Variants in SGCD observed in about 807,000 individuals in gnomAD.
SGCD encodes delta-sarcoglycan.
Under a neutral mutation model 36.6 loss-of-function variants are expected in SGCD, and 18 were observed. That is an observed-to-expected ratio of 0.49 (90% confidence interval 0.34 to 0.73). The LOEUF is 0.73. Ranked by LOEUF, SGCD falls within the 30% of genes least tolerant of loss-of-function variation. The pLI is 0.01. For missense variants in SGCD, 387 were observed against 346.7 expected (o/e 1.12, Z -0.92); for synonymous variants, 133 against 130.6 (o/e 1.02, Z -0.12).
chr5:156,765,853 T>G lies in SGCD; in HGVS notation c.*6463T>G, dbSNP rs1757577314. 6.6e-6 allele frequency: 1 copy of G among 152,186 alleles called. No individual in the cohort carries two copies. The highest frequency in any genetic ancestry group is 2.4e-5 in the African/African-American group (1 of 41,440). The allele number at this position is 152,186 out of a possible 1,614,324, so 9.4% of individuals were successfully genotyped here. The stretch of plus-strand genomic sequence containing the variant: ...CCCCTACTAGGTTTTAAACTAGATC[T>G]TCCTTGGTAGATGAAGCTATAGAAC... On this transcript the variant is annotated 3_prime_UTR_variant, in exon 9 of 9. Coordinates refer to ENST00000337851, the MANE Select transcript of SGCD (RefSeq NM_000337.6).
At chr5:155,878,260 A>G (rs1166376672) in intron 1 of SGCD, among the ~76,000 whole-genome samples, 8 of 152,130 alleles carry the variant, frequency 5.3e-5, no homozygotes, top group Admixed American at 3.9e-4. Context: ...AGTTAATCCA[A>G]CAGTTCAGTG....
At chr5:155,797,469 G>A in the SGCD span, among the ~76,000 whole-genome samples, 3 of 152,170 alleles carry the variant, frequency 2.0e-5, no homozygotes, top group Non-Finnish European at 2.9e-5. Context: ...TATAGCCATG[G>A]TATTCAAAAC....
At chr5:156,016,843 A>T (rs1285461551) in intron 1 of SGCD, among the ~76,000 whole-genome samples, 5 of 152,186 alleles carry the variant, frequency 3.3e-5, no homozygotes, top group African/African-American at 1.2e-4. Flanking sequence ...GCAATTGTCT[A>T]TGATGTTGCA....
chr5:156,056,822 G>T (rs1760077848), intron 1 of SGCD, among the ~76,000 whole-genome samples: 1 of 145,556 alleles, frequency 6.9e-6, no homozygotes, highest in Non-Finnish European at 1.5e-5. Context: ...CTGTCGGGTG[G>T]TTACACAACT....
At chr5:156,327,780 T>C (rs1037267309) in intron 1 of SGCD, among the ~76,000 whole-genome samples, 4 of 152,224 alleles carry the variant, frequency 2.6e-5, no homozygotes, top group Non-Finnish European at 5.9e-5. Context: ...AAATCTTTTA[T>C]ATAGGAGTTT....
intron 1 of SGCD, among the ~76,000 whole-genome samples, chr5:156,005,679 T>C (rs1317057434): frequency 6.6e-6 from 1 of 152,238 alleles, no homozygotes. Flanking sequence ...CTCTGTCTCC[T>C]GACCTCATGA....
At chr5:156,494,327 C>T (rs1490377454) in intron 3 of SGCD, among the ~76,000 whole-genome samples, 1 of 137,182 alleles carries the variant, frequency 7.3e-6, no homozygotes, top group Non-Finnish European at 1.6e-5. Flanking sequence ...TTTTTTTAAT[C>T]CCCTCCTATT....
intron 3 of SGCD, among the ~76,000 whole-genome samples, chr5:156,314,887 G>T (rs771831212): frequency 6.6e-6 from 1 of 151,824 alleles, no homozygotes; most frequent in East Asian, 1.9e-4. Flanking sequence ...ATTTTTTTCA[G>T]TTACATTACT....
At chr5:156,321,651 A>G (rs938293475) in intron 3 of SGCD, among the ~76,000 whole-genome samples, 1 of 152,106 alleles carries the variant, frequency 6.6e-6, no homozygotes, top group Non-Finnish European at 1.5e-5. Context: ...TAGGATCAAC[A>G]TGAGGACACC....
intron 6 of SGCD, among the ~76,000 whole-genome samples, chr5:156,636,947 A>G (rs1762847479): frequency 6.6e-6 from 1 of 152,138 alleles, no homozygotes; most frequent in East Asian, 1.9e-4. Context: ...CAAATAAATA[A>G]TAAGTAGGGA....
chr5:155,951,871 T>C (rs1053547566), intron 1 of SGCD, among the ~76,000 whole-genome samples: 17 of 152,146 alleles, frequency 1.1e-4, no homozygotes, highest in African/African-American at 4.1e-4. Context: ...CAGGCCTTAG[T>C]TGAGCTAACC....
intron 6 of SGCD, among the ~76,000 whole-genome samples, chr5:156,617,705 A>G (rs1485892847): frequency 6.6e-6 from 1 of 152,164 alleles, no homozygotes; most frequent in East Asian, 1.9e-4. Flanking sequence ...TACTCAGCAA[A>G]GGTCGTTAAC....
chr5:156,155,933 A>C (rs912448222), intron 3 of SGCD, among the ~76,000 whole-genome samples: 4 of 151,802 alleles, frequency 2.6e-5, no homozygotes, highest in African/African-American at 9.7e-5. Context: ...AGAAGGTTGC[A>C]GGTACTGTTT....
At chr5:156,579,671 C>T (rs1488805629) in intron 4 of SGCD, among the ~76,000 whole-genome samples, 1 of 152,106 alleles carries the variant, frequency 6.6e-6, no homozygotes, top group Non-Finnish European at 1.5e-5. Flanking sequence ...ATGTAATGAC[C>T]TTCTTTGTCT....
At chr5:155,839,405 C>T in the SGCD span, among the ~76,000 whole-genome samples, 5 of 152,068 alleles carry the variant, frequency 3.3e-5, no homozygotes, top group African/African-American at 4.8e-5. Flanking sequence ...ATGCCTGAGG[C>T]CTTTTACCTT....
At chr5:156,134,908 G>A (rs553714452) in intron 3 of SGCD, among the ~76,000 whole-genome samples, 48 of 152,234 alleles carry the variant, frequency 3.2e-4, no homozygotes, top group African/African-American at 9.9e-4. Flanking sequence ...TGAGCTGGAA[G>A]TCACATATTC....
chr5:156,122,843 T>TAAAAAAAAAAAA lies in SGCD; in HGVS notation c.-207-983_-207-972dup, dbSNP rs33983852. 2.2e-4 allele frequency among the ~76,000 whole-genome samples: 12 copies of TAAAAAAAAAAAA among 54,170 alleles called. 2 individuals carry two copies. Among genetic ancestry groups the TAAAAAAAAAAAA allele is most frequent in the Admixed American group, 2.5e-4 (1 of 3,960 alleles). 35.5% of individuals were successfully genotyped at this position (54,170 alleles called of 152,430 possible). A position where few individuals can be genotyped will look rare whatever the true frequency, so the allele number is the denominator to read the frequency against. The stretch of plus-strand genomic sequence containing the variant: ...ACCAGCATGGTAGTAAAAGATGTGG[T>TAAAAAAAAAAAA]AAAAAAAAAAAAAAAAAAAAAAAAA... On this transcript the variant is annotated intron_variant, in intron 2 of 9. Transcript: ENST00000517913.
At chr5:155,958,145 C>T (rs1757704887) in intron 1 of SGCD, among the ~76,000 whole-genome samples, 1 of 152,036 alleles carries the variant, frequency 6.6e-6, no homozygotes, top group African/African-American at 2.4e-5. Flanking sequence ...TCCTGCTTAC[C>T]CCAGGATTGC....
intron 1 of SGCD, among the ~76,000 whole-genome samples, chr5:155,947,430 C>T (rs572590092): frequency 6.6e-6 from 1 of 151,020 alleles, no homozygotes; most frequent in African/African-American, 2.4e-5. Context: ...AAAGATGGAA[C>T]TTTTTTGGTG....
Sources: allele counts gnomAD v4.1 joint callset (sites outside exome capture counted in the v4.1 genomes callset), GRCh38; gene constraint gnomAD v4.1.1; transcripts MANE v1.5; gene names NCBI Gene and HGNC (gene_info 2026-07-23, HGNC 2026-07-21).